The following KIRREL1 variants were observed in gnomAD, a reference collection of about 807,000 sequenced individuals.
KIRREL1 encodes the protein kirre like nephrin family adhesion molecule 1.
In KIRREL1, 25 loss-of-function variants were observed where a neutral mutation model predicts 83.3. The observed-to-expected ratio is 0.30, with a 90% confidence interval of 0.22 to 0.42. KIRREL1 has a LOEUF of 0.42. Among genes scored for constraint, KIRREL1 ranks in the 10% least tolerant of loss-of-function variants. The pLI is 1.00. For missense variants in KIRREL1, 812 were observed against 1,032.3 expected (o/e 0.79, Z 2.92); for synonymous variants, 388 against 410.4 (o/e 0.95, Z 0.66).
At chr1:158,015,217 TGTGA>T (rs1659797983) in intron 1 of KIRREL1, among the ~76,000 whole-genome samples, 1 of 152,160 alleles carries the variant, frequency 6.6e-6, no homozygotes, top group African/African-American at 2.4e-5. Flanking sequence ...CCTAAGAAAC[TGTGA>T]GTATCAGAGA....
rs761979056 is a variant in KIRREL1 at position 158,076,183 on chromosome 1, C to T, written c.123C>T (p.Pro41=). 12 of 1,614,204 alleles carry T rather than the reference C, an allele frequency of 7.4e-6. No homozygotes were observed. The South Asian group carries it at 1.3e-4, about 18-fold the overall frequency. ...TGGCTGGACAGCGGGCCGTGCTCCC[C>T]TGTGTGCTGCTCAACTACTCTGGAA... ...TVVAGQRAVL[P]CVLLNYSGIV... The change falls in exon 2 of 15, where the codon CCC becomes CCT. Residue 41 remains proline (P), a synonymous_variant. Coordinates refer to ENST00000359209, the MANE Select transcript of KIRREL1 (RefSeq NM_018240.7).
intron 1 of KIRREL1, among the ~76,000 whole-genome samples, chr1:158,059,933 G>A (rs948632511): frequency 6.6e-5 from 10 of 152,078 alleles, no homozygotes; most frequent in Non-Finnish European, 1.0e-4. Context: ...CATTGGGTTC[G>A]GGGTTACTGT....
chr1:158,063,396 A>G (rs1661268051), intron 1 of KIRREL1, among the ~76,000 whole-genome samples: 1 of 152,206 alleles, frequency 6.6e-6, no homozygotes, highest in African/African-American at 2.4e-5. Context: ...CCCCATGTCC[A>G]TGCCCTCAGG....
At chr1:158,062,939 A>G (rs1661253566) in intron 1 of KIRREL1, among the ~76,000 whole-genome samples, 1 of 152,240 alleles carries the variant, frequency 6.6e-6, no homozygotes, top group Non-Finnish European at 1.5e-5. Flanking sequence ...ATGTCCAGAA[A>G]GAGAAGGCAT....
chr1:157,995,095 C>A (rs886147856), intron 1 of KIRREL1, among the ~76,000 whole-genome samples: 1 of 152,208 alleles, frequency 6.6e-6, no homozygotes, highest in Non-Finnish European at 1.5e-5. Context: ...GGGAATGGAT[C>A]TGGGTAGAAC....
chr1:158,071,944 G>A (rs1661527644), intron 1 of KIRREL1, among the ~76,000 whole-genome samples: 1 of 152,024 alleles, frequency 6.6e-6, no homozygotes, highest in Non-Finnish European at 1.5e-5. Context: ...ATGCTACTGG[G>A]TCCCCTCTCC....
In KIRREL1 at chr1:158,032,265, G is replaced by A. The variant is rs376802030; in HGVS notation, c.52+38537G>A. Among the ~76,000 whole-genome samples the A allele has an allele frequency of 5.1e-4, 77 of 152,308 alleles. 1 individual carries two copies. Among genetic ancestry groups the A allele is most frequent in the African/African-American group, 1.8e-3 (75 of 41,578 alleles). On this transcript the variant is annotated intron_variant, in intron 1 of 14. Transcript: ENST00000359209. ...TCTCATGGCTTCCACAGGGCTGGGAGATGGCTGGAGAGGATAAGGAGGAGC... is the reference window on the plus strand; with the variant it reads ...TCTCATGGCTTCCACAGGGCTGGGAAATGGCTGGAGAGGATAAGGAGGAGC...
chr1:158,016,536 A>G (rs1415988141), intron 1 of KIRREL1, among the ~76,000 whole-genome samples: 4 of 152,072 alleles, frequency 2.6e-5, no homozygotes, highest in African/African-American at 9.7e-5. Context: ...TTTTTTTTTA[A>G]TCTTTTCTTT....
rs1437181597 is a variant in KIRREL1, at chr1:158,097,013, C to T, written c.*1893C>T. On this transcript the variant is annotated 3_prime_UTR_variant, in exon 15 of 15. Coordinates refer to ENST00000359209, the MANE Select transcript of KIRREL1 (RefSeq NM_018240.7). The stretch of plus-strand genomic sequence containing the variant: ...CCTTGTAGGAAGGACCAGATAATAC[C>T]CAGGAAGCAAGTAGCTCTAATTTTA... The T allele has an allele frequency of 4.4e-6, 2 of 456,932 alleles. No homozygotes were observed. Among genetic ancestry groups the T allele is most frequent in the Admixed American group, 4.7e-5 (2 of 42,588 alleles). 28.3% of individuals were successfully genotyped at this position (456,932 alleles called of 1,614,324 possible). A position where few individuals can be genotyped will look rare whatever the true frequency, so the allele number is the denominator to read the frequency against.
At chr1:158,074,473 G>A (rs1228367640) in intron 1 of KIRREL1, among the ~76,000 whole-genome samples, 1 of 152,204 alleles carries the variant, frequency 6.6e-6, no homozygotes, top group Non-Finnish European at 1.5e-5. Context: ...CTGCCTTAGA[G>A]GAGATGTTGG....
chr1:158,001,070 C>T (rs1414245857), intron 1 of KIRREL1, among the ~76,000 whole-genome samples: 1 of 152,208 alleles, frequency 6.6e-6, no homozygotes, highest in East Asian at 1.9e-4. Context: ...TCCCAGGAAG[C>T]TGTCCCATCC....
chr1:158,019,931 G>A (rs1294351095), intron 1 of KIRREL1, among the ~76,000 whole-genome samples: 1 of 152,166 alleles, frequency 6.6e-6, no homozygotes, highest in African/African-American at 2.4e-5. Flanking sequence ...CCTGAATTGA[G>A]TAAGTTTGAA....
At chr1:158,068,428 G>C (rs1661414200) in intron 1 of KIRREL1, among the ~76,000 whole-genome samples, 2 of 152,150 alleles carry the variant, frequency 1.3e-5, no homozygotes, top group Non-Finnish European at 2.9e-5. Context: ...ATCAAAATTT[G>C]ACATTTTAGG....
intron 1 of KIRREL1, among the ~76,000 whole-genome samples, chr1:158,069,388 C>G (rs930697954): frequency 6.6e-6 from 1 of 150,956 alleles, no homozygotes; most frequent in Admixed American, 6.6e-5. Flanking sequence ...TTAGAGGTCA[C>G]TTCCTAGTTC....
chr1:158,034,723 G>A (rs1660428696), intron 1 of KIRREL1, among the ~76,000 whole-genome samples: 1 of 152,132 alleles, frequency 6.6e-6, no homozygotes, highest in Non-Finnish European at 1.5e-5. Context: ...GTTATTTCTT[G>A]CTAATTCCAT....
In KIRREL1 at chr1:158,024,460, G is replaced by A. The variant is rs184190892; in HGVS notation, c.52+30732G>A. On this transcript the variant is annotated intron_variant, in intron 1 of 14. Coordinates refer to ENST00000359209, the MANE Select transcript of KIRREL1 (RefSeq NM_018240.7). ...CACTCGGCTAATTTTTGTATTTTTA[G>A]TAGAGACAGGGTTTCACCATGATGG... Among the ~76,000 whole-genome samples, 98 of 151,278 alleles carry A rather than the reference G, an allele frequency of 6.5e-4. 1 individual carries two copies. The South Asian group carries it at 6.9e-3, about 11-fold the overall frequency.
intron 3 of KIRREL1, among the ~76,000 whole-genome samples, chr1:158,084,189 A>G (rs1482725689): frequency 1.3e-5 from 2 of 152,128 alleles, no homozygotes; most frequent in African/African-American, 4.8e-5. Flanking sequence ...AGAAAATATT[A>G]TAGGCCAGGA....
At chr1:158,089,337 A>C in intron 8 of KIRREL1, 165 bp from the exon 9 acceptor site, 2 of 987,206 alleles carry the variant, frequency 2.0e-6, no homozygotes, top group Non-Finnish European at 1.5e-6. Flanking sequence ...CAACCTGTGT[A>C]GAGTCAGAGC....
At chr1:158,093,575 CAG>C in intron 12 of KIRREL1, 46 bp from the exon 13 acceptor site, 1 of 1,612,200 alleles carries the variant, frequency 6.2e-7, no homozygotes, top group South Asian at 1.1e-5. Context: ...GCAGCCGCTG[CAG>C]AGACCAGCAG....
Sources: gnomAD v4.1 joint callset for allele counts (sites outside exome capture counted in the v4.1 genomes callset) on GRCh38, gnomAD v4.1.1 for gene constraint, MANE v1.5 for transcripts, NCBI Gene and HGNC (gene_info 2026-07-23, HGNC 2026-07-21) for gene names.